The following PNISR variants were observed in gnomAD, a reference collection of about 807,000 sequenced individuals.
PNISR encodes the protein PNN interacting serine and arginine rich protein.
A neutral mutation model predicts 93.4 loss-of-function variants in PNISR; 20 were observed. The observed-to-expected ratio is 0.21, with a 90% CI of 0.15 to 0.31. The LOEUF (loss-of-function observed/expected upper bound fraction) is 0.31. PNISR is among the 10% of genes least tolerant of loss of function. The pLI, the probability that PNISR is intolerant of heterozygous loss-of-function variation, is 1.00. For synonymous variants in PNISR, 305 were observed against 306.5 expected (o/e 0.99, Z 0.05); for missense variants, 893 against 985.4 (o/e 0.91, Z 1.25).
chr6:99,413,036 A>G (rs905882680), intron 3 of PNISR, among the ~76,000 whole-genome samples: 4 of 152,232 alleles, frequency 2.6e-5, no homozygotes, highest in African/African-American at 9.6e-5. Flanking sequence ...ATATTAATTC[A>G]TATAAAATTT....
At chr6:99,414,055 T>C (rs749237782) in intron 3 of PNISR, among the ~76,000 whole-genome samples, 3 of 152,152 alleles carry the variant, frequency 2.0e-5, no homozygotes, top group South Asian at 2.1e-4. Flanking sequence ...ATCAGATCAA[T>C]CCAGTGAGGG....
intron 1 of PNISR, among the ~76,000 whole-genome samples, chr6:99,424,244 A>C (rs1452495769): frequency 6.6e-6 from 1 of 152,254 alleles, no homozygotes; most frequent in African/African-American, 2.4e-5. Flanking sequence ...AAGTAGGAAT[A>C]AACTATGGAC....
Position 99,408,167 on chromosome 6 carries a change from G to A in PNISR, c.778C>T (p.Arg260Cys), listed in dbSNP as rs1776393801. 8.7e-6 allele frequency: 14 copies of A among 1,612,950 alleles called. No individual in the cohort carries two copies. The highest frequency in any genetic ancestry group is 2.7e-5 in the African/African-American group (2 of 74,818). The change falls in exon 7 of 12, where the codon CGT becomes TGT. Residue 260 changes from arginine (R) to cysteine (C), a missense_variant. By Grantham distance (180) the Arg-to-Cys change is radical. Coordinates refer to ENST00000369239, the MANE Select transcript of PNISR (RefSeq NM_032870.4). ...TTTTCTTTTTTGGACAATTGTGAAC[G>A]TTGTTGTTCCATTCTTTCTTTCTCC... ...KLEKERMEQQ[R>C]SQLSKKEKKA...
rs1427881793 is a variant in PNISR, at chr6:99,412,546, C to T, written c.277+5G>A. On this transcript the variant is annotated splice_donor_5th_base_variant and intron_variant, in intron 4 of 11. Coordinates refer to ENST00000369239, the MANE Select transcript of PNISR (RefSeq NM_032870.4). ...CTTAAAATTGTGAAAACATAAACAA[C>T]AAACCTGGTTGCCACATTCTGTTGA... The T allele has an allele frequency of 1.3e-6, 2 of 1,570,250 alleles. No homozygotes were observed. The highest frequency in any genetic ancestry group is 1.4e-5 in the African/African-American group (1 of 73,030).
intron 1 of PNISR, among the ~76,000 whole-genome samples, chr6:99,417,803 C>A (rs1777905550): frequency 6.6e-6 from 1 of 151,900 alleles, no homozygotes; most frequent in South Asian, 2.1e-4. Context: ...CCCGTCTCTA[C>A]TAAAAAATAC....
At chr6:99,423,403 C>T (rs1456802727) in intron 1 of PNISR, among the ~76,000 whole-genome samples, 1 of 152,120 alleles carries the variant, frequency 6.6e-6, no homozygotes, top group African/African-American at 2.4e-5. Flanking sequence ...TGAGGAAGAG[C>T]ACAACTGTCC....
Position 99,414,326 on chromosome 6 carries a change from A to T in PNISR, c.88+246T>A, listed in dbSNP as rs141211246. Among the ~76,000 whole-genome samples, 747 of 152,370 alleles carry T rather than the reference A, an allele frequency of 4.9e-3. 8 individuals are homozygous for T. The highest frequency in any genetic ancestry group is 0.017 in the African/African-American group (709 of 41,588). On this transcript the variant is annotated intron_variant, in intron 3 of 11. Coordinates refer to ENST00000369239, the MANE Select transcript of PNISR (RefSeq NM_032870.4). ...GCTTTTCTCTTTCTTTAGAAAAACAAGGACTAAATCAGTTTAAAAAATGTA... is the reference window on the plus strand; with the variant it reads ...GCTTTTCTCTTTCTTTAGAAAAACATGGACTAAATCAGTTTAAAAAATGTA...
In PNISR at chr6:99,408,156, C is replaced by A; in HGVS notation, c.789G>T (p.Leu263Phe). The A allele has an allele frequency of 6.2e-7, 1 of 1,612,956 alleles. No homozygotes were observed. The highest frequency in any genetic ancestry group is 1.3e-5 in the African/African-American group (1 of 74,898). The change falls in exon 7 of 12, where the codon TTG becomes TTT. Residue 263 changes from leucine to phenylalanine, a missense_variant. Coordinates refer to ENST00000369239, the MANE Select transcript of PNISR (RefSeq NM_032870.4). ...KERMEQQRSQLSKKEKKATED... is the reference protein window; with the variant it reads ...KERMEQQRSQFSKKEKKATED... ...CTGTGGCCTTTTTTTCTTTTTTGGA[C>A]AATTGTGAACGTTGTTGTTCCATTC... is the stretch of plus-strand genomic sequence containing the variant.
At chr6:99,412,266 C>T in intron 4 of PNISR, 2 of 559,688 alleles carry the variant, frequency 3.6e-6, no homozygotes, top group African/African-American at 1.8e-5. Flanking sequence ...AAAGAATGCT[C>T]TCTTCCCTAG....
At position 99,400,551 on chromosome 6, in the gene PNISR, G is replaced by A. The variant is rs370532380; in HGVS notation, c.2407C>T (p.Arg803Ter). Residue 803 changes from arginine to a stop codon, truncating the protein, a stop_gained, in exon 12 of 12, where the codon CGA (arginine) becomes TGA (stop). Transcript: ENST00000369239. LOFTEE classifies it high-confidence loss of function. The part of the protein sequence containing the change: ...KASRKHKSKS[R>*]SR ...CTTTAAAAAGTATACTACCTTGATC[G>A]GGACTTAGACTTGTGTTTGCGGCTT... 9 of 1,611,798 alleles carry A rather than the reference G, an allele frequency of 5.6e-6. No individual in the cohort carries two copies. Among genetic ancestry groups the A allele is most frequent in the African/African-American group, 4.0e-5 (3 of 74,676 alleles).
intron 1 of PNISR, among the ~76,000 whole-genome samples, chr6:99,424,713 T>C (rs1379099112): frequency 1.3e-5 from 2 of 152,186 alleles, no homozygotes; most frequent in African/African-American, 4.8e-5. Flanking sequence ...CACCACAGGG[T>C]AAAAAACTGA....
At position 99,404,679 on chromosome 6, in the gene PNISR, T is replaced by G; in HGVS notation, c.1026A>C (p.Leu342=). 6.3e-7 allele frequency: 1 copy of G among 1,596,702 alleles called. No homozygotes were observed. The highest frequency in any genetic ancestry group is 1.3e-5 in the African/African-American group (1 of 74,690). ...CTGTGACATCCAGCAGAATTTCTGT[T>G]AGAAGCATTTTTGTCAGCAACATCT... ...YQMMLLTKML[L]TEILLDVTDE... is the part of the protein sequence containing the mutation. Residue 342 remains leucine (L), a synonymous_variant, in exon 9 of 12, where the codon CTA becomes CTC. Transcript: ENST00000369239.
At chr6:99,420,615 C>T (rs556197545) in intron 1 of PNISR, among the ~76,000 whole-genome samples, 38 of 152,160 alleles carry the variant, frequency 2.5e-4, no homozygotes, top group Non-Finnish European at 3.7e-4. Flanking sequence ...ACAGGCACAA[C>T]ACACAGTAAT....
intron 9 of PNISR, chr6:99,404,318 T>C (rs1775868293): frequency 4.2e-5 from 18 of 431,388 alleles, no homozygotes; most frequent in South Asian, 4.1e-4. Context: ...ATGTTATCTA[T>C]TAAAAAAAAT....
In PNISR at chr6:99,403,816, G is replaced by T. The variant is rs1775815787; in HGVS notation, c.1156+13C>A. The T allele has an allele frequency of 1.9e-6, 3 of 1,607,880 alleles. No individual in the cohort carries two copies. In the African/African-American group the frequency reaches 4.0e-5, roughly 22 times the overall value. ...TCCCTTTAGGCCCTCTCACAAATATGGAAAACACTTACCGAGTCCAGTGAG... is the reference window on the plus strand; with the variant it reads ...TCCCTTTAGGCCCTCTCACAAATATTGAAAACACTTACCGAGTCCAGTGAG... On this transcript the variant is annotated intron_variant, in intron 10 of 11. Coordinates refer to ENST00000369239, the MANE Select transcript of PNISR (RefSeq NM_032870.4).
rs1355256027 is a variant in PNISR, at chr6:99,400,755, C to T, written c.2203G>A (p.Asp735Asn). 2.5e-6 allele frequency: 4 copies of T among 1,610,232 alleles called. 1 individual carries two copies. The South Asian group carries it at 4.4e-5, about 18-fold the overall frequency. ...CTTTTCTTACTATCCTGTCTAGAAT[C>T]ATGTCTTATGATTTTAACAGATATA... ...GSISVKIIRHDSRQDSKKSTT... is the reference protein window; with the variant it reads ...GSISVKIIRHNSRQDSKKSTT... The change falls in exon 12 of 12, where the codon GAT becomes AAT. Residue 735 changes from aspartate to asparagine, a missense_variant. Physicochemically the swap from Asp to Asn is conservative, Grantham distance 23. This residue lies in a region of PNISR where 866 missense variants were observed against 935.1 expected (regional missense o/e 0.93). Coordinates refer to ENST00000369239, the MANE Select transcript of PNISR (RefSeq NM_032870.4).
chr6:99,422,605 G>A (rs1321290789), intron 1 of PNISR, among the ~76,000 whole-genome samples: 2 of 152,160 alleles, frequency 1.3e-5, no homozygotes, highest in Non-Finnish European at 2.9e-5. Context: ...CAAGCATGGC[G>A]GCTCATGCCT....
At position 99,408,252 on chromosome 6, in the gene PNISR, A is replaced by T; in HGVS notation, c.693T>A (p.Thr231=). ...GACCTTCGCGAATCCAAGCGGGAAG[A>T]GTCCTGCGTTTTACTGCGTCTGTTT... ...PPQIDAVKRR[T]LPAWIREGLE... is the part of the protein sequence containing the mutation. The change falls in exon 7 of 12, where the codon ACT becomes ACA. Residue 231 remains threonine, a synonymous_variant. Transcript: ENST00000369239. 6.2e-7 allele frequency: 1 copy of T among 1,610,046 alleles called. No individual in the cohort carries two copies. The highest frequency in any genetic ancestry group is 8.5e-7 in the Non-Finnish European group (1 of 1,178,446).
At position 99,406,176 on chromosome 6, in the gene PNISR, A is replaced by C; in HGVS notation, c.865-8T>G. ...TTCTTCCTCATCACTATCCTATAAA[A>C]AACAATAGTATGGTAGTCCAAATTC... On this transcript the variant is annotated splice_polypyrimidine_tract_variant and splice_region_variant and intron_variant, in intron 7 of 11. Transcript: ENST00000369239. 1 of 1,592,880 alleles carries C rather than the reference A, an allele frequency of 6.3e-7. No individual in the cohort carries two copies. Among genetic ancestry groups the C allele is most frequent in the Non-Finnish European group, 8.6e-7 (1 of 1,163,176 alleles).
Sources: allele counts gnomAD v4.1 joint callset (sites outside exome capture counted in the v4.1 genomes callset), GRCh38; gene constraint gnomAD v4.1.1; regional missense constraint gnomAD v4.1.1; transcripts MANE v1.5; gene names NCBI Gene and HGNC (gene_info 2026-07-23, HGNC 2026-07-21).